The following POGLUT1 variants were observed in gnomAD, a reference collection of about 807,000 sequenced individuals.
The protein encoded by POGLUT1 is 9630046K23Rik.
A neutral mutation model predicts 61.3 loss-of-function variants in POGLUT1; 32 were observed. The observed-to-expected ratio is 0.52, with a 90% CI of 0.39 to 0.70. The LOEUF (loss-of-function observed/expected upper bound fraction) is 0.70, where lower values mean the gene tolerates loss of function less well. Among genes scored for constraint, POGLUT1 ranks in the 30% least tolerant of loss-of-function variants. The pLI, the probability that POGLUT1 is intolerant of heterozygous loss-of-function variation, is 0.00. For synonymous variants in POGLUT1, 158 were observed against 158.2 expected (o/e 1.00, Z 0.01); for missense variants, 411 against 469.8 (o/e 0.87, Z 1.16).
chr3:119,483,116 G>A (rs1196777835), intron 5 of POGLUT1, among the ~76,000 whole-genome samples: 2 of 152,206 alleles, frequency 1.3e-5, no homozygotes, highest in African/African-American at 4.8e-5. Context: ...TTGACAATAT[G>A]TATCAAAATT....
At chr3:119,487,533 G>C (rs2081680202) in intron 7 of POGLUT1, among the ~76,000 whole-genome samples, 1 of 152,144 alleles carries the variant, frequency 6.6e-6, no homozygotes, top group African/African-American at 2.4e-5. Context: ...ATTGCAGTGA[G>C]CCGAGATCAC....
chr3:119,486,737 C>A, intron 6 of POGLUT1, 96 bp from the exon 7 acceptor site: 1 of 819,290 alleles, frequency 1.2e-6, no homozygotes, highest in South Asian at 1.4e-5. Context: ...TGTGCAGAGT[C>A]ATTGCATTGG....
chr3:119,468,990 G>T lies in POGLUT1; in HGVS notation c.-32G>T, dbSNP rs1224147071. On this transcript the variant is annotated 5_prime_UTR_variant, in exon 1 of 11. Coordinates refer to ENST00000295588, the MANE Select transcript of POGLUT1 (RefSeq NM_152305.3). ...GCGGGGCCGCGCTTCCGCCAGCGCC[G>T]CAGCGGGGAATCTGCAGTAGGTCTG... is the stretch of plus-strand genomic sequence containing the variant. 3 of 1,581,544 alleles carry T rather than the reference G, an allele frequency of 1.9e-6. No individual in the cohort carries two copies. Among genetic ancestry groups the T allele is most frequent in the Non-Finnish European group, 2.6e-6 (3 of 1,162,436 alleles).
intron 7 of POGLUT1, 93 bp downstream of exon 7, chr3:119,487,025 G>A (rs778686077): frequency 3.3e-5 from 28 of 836,584 alleles, no homozygotes; most frequent in Non-Finnish European, 5.2e-5. Flanking sequence ...TAGGTTTCCT[G>A]TCAGTGGTGA....
intron 4 of POGLUT1, among the ~76,000 whole-genome samples, chr3:119,479,029 A>T (rs766316195): frequency 5.3e-5 from 8 of 151,944 alleles, no homozygotes; most frequent in Non-Finnish European, 1.0e-4. Context: ...GGTTCAAGTG[A>T]TTCTCCACCT....
At chr3:119,478,709 T>C (rs945747960) in intron 4 of POGLUT1, among the ~76,000 whole-genome samples, 2 of 152,148 alleles carry the variant, frequency 1.3e-5, no homozygotes, top group African/African-American at 4.8e-5. Context: ...TTTTACATAT[T>C]TGAGAGACAG....
At chr3:119,474,075 A>G (rs1201083440) in intron 3 of POGLUT1, among the ~76,000 whole-genome samples, 3 of 152,222 alleles carry the variant, frequency 2.0e-5, no homozygotes, top group East Asian at 3.8e-4. Flanking sequence ...AATTAATGCT[A>G]GAGACAAGTC....
chr3:119,494,409 TCA>T lies in POGLUT1; in HGVS notation c.*1973_*1974del, dbSNP rs1325855632. On this transcript the variant is annotated 3_prime_UTR_variant, in exon 11 of 11. Coordinates refer to ENST00000295588, the MANE Select transcript of POGLUT1 (RefSeq NM_152305.3). ...ATAAGAATTGGATCAATGTAAATCC[TCA>T]CCTGCCCTTTGAAGAGCCAATAAGG... is the stretch of plus-strand genomic sequence containing the variant. The T allele has an allele frequency of 2.0e-5, 3 of 152,678 alleles. No individual in the cohort carries two copies. The highest frequency in any genetic ancestry group is 4.4e-5 in the Non-Finnish European group (3 of 68,034). 9.5% of individuals were successfully genotyped at this position (152,678 alleles called of 1,614,324 possible).
In POGLUT1 at chr3:119,469,810, C is replaced by T. The variant is rs1179339991; in HGVS notation, c.86-10C>T. 1 of 1,501,860 alleles carries T rather than the reference C, an allele frequency of 6.7e-7. No individual in the cohort carries two copies. 93.0% of individuals were successfully genotyped at this position (1,501,860 alleles called of 1,614,324 possible). A position where few individuals can be genotyped will look rare whatever the true frequency, so the allele number is the denominator to read the frequency against. On this transcript the variant is annotated splice_polypyrimidine_tract_variant and intron_variant, in intron 1 of 10. Transcript: ENST00000295588. ...ATTTTTTTAACTCTCATTTACTTCA[C>T]TTTTTAAAGGTTCAAAATGGAAAGT...
In POGLUT1 at chr3:119,490,712, A is replaced by G. The variant is rs758250783; in HGVS notation, c.959A>G (p.Asn320Ser). 3.7e-6 allele frequency: 6 copies of G among 1,613,584 alleles called. No homozygotes were observed. Among genetic ancestry groups the G allele is most frequent in the Middle Eastern group, 1.7e-4 (1 of 6,060 alleles). The change falls in exon 9 of 11, where the codon AAT becomes AGT. Residue 320 changes from asparagine to serine, a missense_variant. Transcript: ENST00000295588. ...ATCCCAGTCAAAACAGATCTCTCCA[A>G]TGTCCAGTAAGCAGTTATCCCCCAA... Reference protein sequence around the residue: ...HYIPVKTDLSNVQELLQFVKA... With the variant: ...HYIPVKTDLSSVQELLQFVKA...
chr3:119,481,874 G>A (rs2081608977), intron 5 of POGLUT1, among the ~76,000 whole-genome samples: 1 of 152,002 alleles, frequency 6.6e-6, no homozygotes, highest in Non-Finnish European at 1.5e-5. Context: ...TTATTTTTGG[G>A]TTTTGAACAT....
intron 2 of POGLUT1, among the ~76,000 whole-genome samples, chr3:119,470,926 A>G (rs1294699171): frequency 6.6e-6 from 1 of 152,200 alleles, no homozygotes; most frequent in Non-Finnish European, 1.5e-5. Context: ...AGACCAGAAC[A>G]AGAGAGTCAG....
At chr3:119,488,120 A>G (rs537919641) in intron 7 of POGLUT1, 2 of 152,324 alleles carry the variant, frequency 1.3e-5, no homozygotes, top group South Asian at 4.1e-4. Flanking sequence ...TGCATGTATT[A>G]TTTCATACAG....
intron 5 of POGLUT1, among the ~76,000 whole-genome samples, chr3:119,481,618 T>A (rs1047545941): frequency 1.3e-5 from 2 of 152,162 alleles, no homozygotes; most frequent in African/African-American, 4.8e-5. Context: ...CTCTAGTGGG[T>A]ATAATTTGGA....
At chr3:119,487,582 T>C (rs1047665056) in intron 7 of POGLUT1, among the ~76,000 whole-genome samples, 7 of 152,068 alleles carry the variant, frequency 4.6e-5, no homozygotes, top group Non-Finnish European at 1.5e-5. Flanking sequence ...CAAGACTCCG[T>C]CTCAAAAATA....
Position 119,477,419 on chromosome 3 carries a change from C to T in POGLUT1, c.427C>T (p.Pro143Ser), listed in dbSNP as rs1412451711. ...TCCTCAGGTTCCTAAATGGATGGAG[C>T]CTGCCATCCCAGTCTTCTCCTTCAG... ...DYPQVPKWME[P>S]AIPVFSFSKT... The change falls in exon 4 of 11, where the codon CCT (proline) becomes TCT (serine). Residue 143 changes from proline to serine, a missense_variant. Transcript: ENST00000295588. The T allele has an allele frequency of 6.2e-7, 1 of 1,613,884 alleles. No homozygotes were observed. Among genetic ancestry groups the T allele is most frequent in the South Asian group, 1.1e-5 (1 of 91,064 alleles).
At chr3:119,479,702 A>G (rs13084583) in intron 4 of POGLUT1, among the ~76,000 whole-genome samples, 40,112 of 152,186 alleles carry the variant, frequency 0.26, 6,185 homozygotes, top group Non-Finnish European at 0.33. Context: ...CTTAAATGTA[A>G]TAGTTAAACA....
intron 5 of POGLUT1, among the ~76,000 whole-genome samples, chr3:119,484,992 G>A (rs955065455): frequency 3.3e-5 from 5 of 152,258 alleles, no homozygotes; most frequent in East Asian, 3.9e-4. Flanking sequence ...CGAGGCAGGC[G>A]GATCACGAAG....
At chr3:119,475,051 A>G (rs2081519912) in intron 3 of POGLUT1, among the ~76,000 whole-genome samples, 1 of 152,148 alleles carries the variant, frequency 6.6e-6, no homozygotes, top group Non-Finnish European at 1.5e-5. Context: ...TACCTCCAAA[A>G]GACATTCAGT....
Sources: gnomAD v4.1 joint callset for allele counts (sites outside exome capture counted in the v4.1 genomes callset) on GRCh38, gnomAD v4.1.1 for gene constraint, MANE v1.5 for transcripts, NCBI Gene and HGNC (gene_info 2026-07-23, HGNC 2026-07-21) for gene names.